Variants in HBB observed in about 807,000 individuals in gnomAD.
HBB encodes the protein Hb Monza protein.
A neutral mutation model predicts 9.7 loss-of-function variants in HBB; 18 were observed. That is an observed-to-expected ratio of 1.86 (90% CI 1.28 to 2.76). The LOEUF (loss-of-function observed/expected upper bound fraction) is 2.76. HBB is among the 30% of genes most tolerant of loss of function. The probability of loss-of-function intolerance (pLI) is 0.00; values close to 1 mark genes in which losing one functional copy is unlikely to be tolerated. For missense variants in HBB, 156 were observed against 177.0 expected, an observed-to-expected ratio of 0.88 and a Z score of 0.67; for synonymous variants, 99 against 73.6, an observed-to-expected ratio of 1.35 and a Z score of -1.77.
chr11:5,226,441 G>A, intron 2 of HBB, 136 bp downstream of exon 2: 1 of 795,042 alleles, frequency 1.3e-6, no homozygotes, highest in Non-Finnish European at 2.1e-6. Flanking sequence ...AAACGATCCT[G>A]AGACTTCCAC....
In HBB at chr11:5,225,775, G is replaced by C; in HGVS notation, c.316-49C>G. ...TGAACATGATTAGCAAAAGGGCCTA[G>C]CTTGGACTCAGAATAATCCAGCCTT... On this transcript the variant is annotated intron_variant, in intron 2 of 2. Coordinates refer to ENST00000335295, the MANE Select transcript of HBB (RefSeq NM_000518.5). 6.2e-7 allele frequency: 1 copy of C among 1,604,570 alleles called. No homozygotes were observed. The highest frequency in any genetic ancestry group is 8.5e-7 in the Non-Finnish European group (1 of 1,171,526).
In HBB at chr11:5,225,803, C is replaced by T. The variant is rs1421375702; in HGVS notation, c.316-77G>A. 1.3e-6 allele frequency: 2 copies of T among 1,485,452 alleles called. No homozygotes were observed. The highest frequency in any genetic ancestry group is 1.7e-5 in the Admixed American group (1 of 59,744). 92.0% of individuals were successfully genotyped at this position (1,485,452 alleles called of 1,614,324 possible). ...TGGACTCAGAATAATCCAGCCTTAT[C>T]CCAACCATAAAATAAAAGCAGAATG... On this transcript the variant is annotated intron_variant, in intron 2 of 2. Transcript: ENST00000335295.
chr11:5,226,059 AAG>A (rs1450341299), intron 2 of HBB, among the ~76,000 whole-genome samples: 1 of 152,224 alleles, frequency 6.6e-6, no homozygotes, highest in African/African-American at 2.4e-5. Context: ...ATATTAAAAG[AAG>A]AAAGCATTTT....
rs537557714 is a variant in HBB at position 5,226,252 on chromosome 11, A to C, written c.315+325T>G. ...CATATATTCCAAATAGTAATGTACT[A>C]GGCAGACTGTGTAAAGTTTTTTTTT... On this transcript the variant is annotated intron_variant, in intron 2 of 2. Coordinates refer to ENST00000335295, the MANE Select transcript of HBB (RefSeq NM_000518.5). The C allele has an allele frequency of 1.4e-5, 7 of 509,498 alleles. No homozygotes were observed. Among genetic ancestry groups the C allele is most frequent in the Admixed American group, 3.5e-5 (1 of 28,516 alleles). 31.6% of individuals were successfully genotyped at this position (509,498 alleles called of 1,614,324 possible). A position where few individuals can be genotyped will look rare whatever the true frequency, so the allele number is the denominator to read the frequency against.
In HBB at chr11:5,225,529, C is replaced by T; in HGVS notation, c.*69G>A. 6.8e-7 allele frequency: 1 copy of T among 1,477,322 alleles called. No individual in the cohort carries two copies. The highest frequency in any genetic ancestry group is 9.5e-7 in the Non-Finnish European group (1 of 1,055,194). 91.5% of individuals were successfully genotyped at this position (1,477,322 alleles called of 1,614,324 possible). On this transcript the variant is annotated 3_prime_UTR_variant, in exon 3 of 3. Coordinates refer to ENST00000335295, the MANE Select transcript of HBB (RefSeq NM_000518.5). Reference sequence around the variant, plus strand: ...ATGCTCAAGGCCCTTCATAATATCCCCCAGTTTAGTAGTTGGACTTAGGGA... The same window carrying T: ...ATGCTCAAGGCCCTTCATAATATCCTCCAGTTTAGTAGTTGGACTTAGGGA...
rs2133586425 is a variant in HBB at position 5,225,741 on chromosome 11, T to C, written c.316-15A>G. 9 of 1,613,784 alleles carry C rather than the reference T, an allele frequency of 5.6e-6. No individual in the cohort carries two copies. The highest frequency in any genetic ancestry group is 7.6e-6 in the Non-Finnish European group (9 of 1,179,738). Reference sequence around the variant, plus strand: ...TTGCCCAGGAGCTGTGGGAGGAAGATAAGAGGTATGAACATGATTAGCAAA... The same window carrying C: ...TTGCCCAGGAGCTGTGGGAGGAAGACAAGAGGTATGAACATGATTAGCAAA... On this transcript the variant is annotated splice_polypyrimidine_tract_variant and intron_variant, in intron 2 of 2. Coordinates refer to ENST00000335295, the MANE Select transcript of HBB (RefSeq NM_000518.5).
chr11:5,226,917 C>G lies in HBB; in HGVS notation c.92+13G>C. The G allele has an allele frequency of 6.2e-7, 1 of 1,611,082 alleles. No homozygotes were observed. Among genetic ancestry groups the G allele is most frequent in the Non-Finnish European group, 8.5e-7 (1 of 1,177,226 alleles). On this transcript the variant is annotated intron_variant, in intron 1 of 2. Transcript: ENST00000335295. ...TGGTCTCCTTAAACCTGTCTTGTAACCTTGATACCAACCTGCCCAGGGCCT... is the reference window on the plus strand; with the variant it reads ...TGGTCTCCTTAAACCTGTCTTGTAAGCTTGATACCAACCTGCCCAGGGCCT...
intron 2 of HBB, among the ~76,000 whole-genome samples, 169 bp from the exon 3 acceptor site, chr11:5,225,895 AATATTTATATGCAGAG>A (rs369153891): frequency 1.3e-5 from 2 of 152,186 alleles, no homozygotes; most frequent in Non-Finnish European, 2.9e-5. Flanking sequence ...TATATGCAGA[AATATTTATATGCAGAG>A]ATATTGCTAT....
At position 5,226,619 on chromosome 11, in the gene HBB, C is replaced by G. The variant is rs35002698; in HGVS notation, c.273G>C (p.Glu91Asp). Reference protein sequence around the residue: ...NLKGTFATLSELHCDKLHVDP... With the variant: ...NLKGTFATLSDLHCDKLHVDP... ...CCACGTGCAGCTTGTCACAGTGCAG[C>G]TCACTCAGTGTGGCAAAGGTGCCCT... The change falls in exon 2 of 3, where the codon GAG becomes GAC. Residue 91 changes from glutamate to aspartate, a missense_variant. Transcript: ENST00000335295. 5.0e-6 allele frequency: 8 copies of G among 1,614,138 alleles called. No homozygotes were observed. The highest frequency in any genetic ancestry group is 6.8e-6 in the Non-Finnish European group (8 of 1,180,024).
Position 5,226,988 on chromosome 11 carries a change from C to T in HBB, c.34G>A (p.Val12Ile), listed in dbSNP as rs33974228. 5.5e-5 allele frequency: 88 copies of T among 1,613,042 alleles called. No homozygotes were observed. The highest frequency in any genetic ancestry group is 8.0e-5 in the African/African-American group (6 of 74,894). Residue 12 changes from valine (V) to isoleucine (I), a missense_variant, in exon 1 of 3, where the codon GTT becomes ATT. Coordinates refer to ENST00000335295, the MANE Select transcript of HBB (RefSeq NM_000518.5). ...VHLTPEEKSA[V>I]TALWGKVNVD... ...TTCACCTTGCCCCACAGGGCAGTAA[C>T]GGCAGACTTCTCCTCAGGAGTCAGA...
Position 5,225,714 on chromosome 11 carries a change from C to T in HBB, c.328G>A (p.Val110Met), listed in dbSNP as rs33969677. The change falls in exon 3 of 3, where the codon GTG becomes ATG. Residue 110 changes from valine to methionine, a missense_variant. Val to Met is a conservative substitution (Grantham distance 21). Coordinates refer to ENST00000335295, the MANE Select transcript of HBB (RefSeq NM_000518.5). The stretch of plus-strand genomic sequence containing the variant: ...TGATGGGCCAGCACACAGACCAGCA[C>T]GTTGCCCAGGAGCTGTGGGAGGAAG... ...DPENFRLLGN[V>M]LVCVLAHHFG... The T allele has an allele frequency of 1.2e-6, 2 of 1,614,062 alleles. No homozygotes were observed. The highest frequency in any genetic ancestry group is 1.7e-6 in the Non-Finnish European group (2 of 1,179,976).
Position 5,225,873 on chromosome 11 carries a change from T to G in HBB, c.316-147A>C, listed in dbSNP as rs1415697390. ...TATTAGCAATATGAAACCTCTTACA[T>G]CAGTTACAATTTATATGCAGAAATA... On this transcript the variant is annotated intron_variant, in intron 2 of 2. Coordinates refer to ENST00000335295, the MANE Select transcript of HBB (RefSeq NM_000518.5). 26 of 749,286 alleles carry G rather than the reference T, an allele frequency of 3.5e-5. No homozygotes were observed. In the East Asian group the frequency reaches 6.6e-4, roughly 19 times the overall value. 46.4% of individuals were successfully genotyped at this position (749,286 alleles called of 1,614,324 possible).
Position 5,226,661 on chromosome 11 carries a change from A to G in HBB, c.231T>C (p.Ala77=). The change falls in exon 2 of 3, where the codon GCT becomes GCC. Residue 77 remains alanine (A), a synonymous_variant. Transcript: ENST00000335295. ...KVLGAFSDGL[A]HLDNLKGTFA... ...AGGTGCCCTTGAGGTTGTCCAGGTG[A>G]GCCAGGCCATCACTAAAGGCACCGA... 1 of 1,614,140 alleles carries G rather than the reference A, an allele frequency of 6.2e-7. No individual in the cohort carries two copies. The highest frequency in any genetic ancestry group is 8.5e-7 in the Non-Finnish European group (1 of 1,180,028).
Position 5,226,181 on chromosome 11 carries a change from TAAAAG to T in HBB, c.315+391_315+395del, listed in dbSNP as rs908075557. ...ATAATGATTATGTATCAATTAAAAA[TAAAAG>T]AAAATAAAGTAGGGAGATTATGAAT... On this transcript the variant is annotated intron_variant, in intron 2 of 2. Transcript: ENST00000335295. The T allele has an allele frequency of 5.7e-5, 18 of 315,356 alleles. No homozygotes were observed. The highest frequency in any genetic ancestry group is 9.5e-5 in the Admixed American group (2 of 21,076). 19.5% of individuals were successfully genotyped at this position (315,356 alleles called of 1,614,324 possible).
Position 5,225,763 on chromosome 11 carries a change from C to A in HBB, c.316-37G>T, listed in dbSNP as rs193922559. 159 of 1,611,886 alleles carry A rather than the reference C, an allele frequency of 9.9e-5. No homozygotes were observed. In the African/African-American group the frequency reaches 1.9e-3, roughly 19 times the overall value. On this transcript the variant is annotated intron_variant, in intron 2 of 2. Coordinates refer to ENST00000335295, the MANE Select transcript of HBB (RefSeq NM_000518.5). Reference sequence around the variant, plus strand: ...AGATAAGAGGTATGAACATGATTAGCAAAAGGGCCTAGCTTGGACTCAGAA... The same window carrying A: ...AGATAAGAGGTATGAACATGATTAGAAAAAGGGCCTAGCTTGGACTCAGAA...
At chr11:5,226,471 T>C (rs1847547323) in intron 2 of HBB, 106 bp downstream of exon 2, 1 of 999,340 alleles carries the variant, frequency 1.0e-6, no homozygotes, top group South Asian at 1.3e-5. Context: ...ATCATTCGTC[T>C]GTTTCCCATT....
At chr11:5,226,847 C>T in intron 1 of HBB, 48 bp from the exon 2 acceptor site, 2 of 1,592,324 alleles carry the variant, frequency 1.3e-6, no homozygotes, top group Non-Finnish European at 1.7e-6. Context: ...CAGTGCCTAT[C>T]AGAAACCCAA....
rs63751128 is a variant in HBB, at chr11:5,225,487, T to C, written c.*111A>G. 6 of 1,015,192 alleles carry C rather than the reference T, an allele frequency of 5.9e-6. No individual in the cohort carries two copies. The highest frequency in any genetic ancestry group is 9.4e-6 in the Non-Finnish European group (6 of 639,464). 62.9% of individuals were successfully genotyped at this position (1,015,192 alleles called of 1,614,324 possible). On this transcript the variant is annotated 3_prime_UTR_variant, in exon 3 of 3. Transcript: ENST00000335295. ...CATTGCAATGAAAATAAATGTTTTT[T>C]ATTAGGCAGAATCCAGATGCTCAAG...
intron 2 of HBB, 92 bp from the exon 3 acceptor site, chr11:5,225,818 A>C (rs1847534474): frequency 7.5e-7 from 1 of 1,334,696 alleles, no homozygotes; most frequent in African/African-American, 1.4e-5. Flanking sequence ...CCATAAAATA[A>C]AAGCAGAATG....
Sources: gnomAD v4.1 joint callset for allele counts (sites outside exome capture counted in the v4.1 genomes callset) on GRCh38, gnomAD v4.1.1 for gene constraint, MANE v1.5 for transcripts, NCBI Gene and HGNC (gene_info 2026-07-23, HGNC 2026-07-21) for gene names.